AMER1: variants seen among roughly 807,000 people sequenced by gnomAD.
AMER1 encodes RP11-403E24.2.
In AMER1, 16 loss-of-function variants were observed where a neutral mutation model predicts 53.0. That is an observed-to-expected ratio of 0.30 (90% CI 0.20 to 0.46). The LOEUF (loss-of-function observed/expected upper bound fraction) is 0.46. Ranked by LOEUF, AMER1 falls within the 20% of genes least tolerant of loss-of-function variation. The pLI is 1.00. For synonymous variants in AMER1, 354 were observed against 331.9 expected, an observed-to-expected ratio of 1.07 and a Z score of -0.73; for missense variants, 947 against 884.9, an observed-to-expected ratio of 1.07 and a Z score of -0.89.
intron 1 of AMER1, among the ~76,000 whole-genome samples, chrX:64,203,278 G>A (rs777554537): frequency 1.8e-5 from 2 of 111,321 alleles, no homozygotes; most frequent in Non-Finnish European, 3.8e-5. Flanking sequence ...TCCTCATTAG[G>A]CACACTCAAT....
In AMER1 at chrX:64,191,362, T is replaced by A. The variant is rs2147087141; in HGVS notation, c.1925A>T (p.Glu642Val). ...EVRCRETQVR[E>V]TQARQEKPVL... ...GGGCTTCTCCTGCCGGGCCTGGGTC[T>A]CTCGGACTTGAGTCTCTCTACAACG... The change falls in exon 2 of 2, where the codon GAG becomes GTG. Residue 642 changes from glutamate (E) to valine (V), a missense_variant. Coordinates refer to ENST00000374869, the MANE Select transcript of AMER1 (RefSeq NM_152424.4). 8.3e-7 allele frequency: 1 copy of A among 1,211,835 alleles called. No homozygotes were observed. The highest frequency in any genetic ancestry group is 1.1e-6 in the Non-Finnish European group (1 of 895,524).
rs1249641553 is a variant in AMER1 at position 64,191,201 on chromosome X, T to A, written c.2086A>T (p.Arg696Trp). ...PTTASSEPDW[R>W]DFRPLEKRYE... Reference sequence around the variant, plus strand: ...CGCTTCTCCAGAGGACGGAAGTCCCTCCAGTCTGGCTCGCTGCTTGCAGTG... The same window carrying A: ...CGCTTCTCCAGAGGACGGAAGTCCCACCAGTCTGGCTCGCTGCTTGCAGTG... Residue 696 changes from arginine to tryptophan, a missense_variant, in exon 2 of 2, where the codon AGG (arginine) becomes TGG (tryptophan). Coordinates refer to ENST00000374869, the MANE Select transcript of AMER1 (RefSeq NM_152424.4). 8.3e-7 allele frequency: 1 copy of A among 1,212,075 alleles called. No individual in the cohort carries two copies. Among genetic ancestry groups the A allele is most frequent in the Non-Finnish European group, 1.1e-6 (1 of 895,585 alleles).
intron 1 of AMER1, among the ~76,000 whole-genome samples, chrX:64,204,878 C>A (rs992199155): frequency 8.8e-5 from 10 of 113,318 alleles, no homozygotes; most frequent in African/African-American, 3.2e-4. Context: ...GCGCCAGATG[C>A]GCCCGGAGGC....
At chrX:64,204,449 G>A (rs1368907767) in intron 1 of AMER1, among the ~76,000 whole-genome samples, 2 of 113,697 alleles carry the variant, frequency 1.8e-5, no homozygotes, top group African/African-American at 6.4e-5. Context: ...CACCACCGGG[G>A]GAGCCAAGCA....
chrX:64,191,076 A>T lies in AMER1; in HGVS notation c.2211T>A (p.Phe737Leu). ...GGTAGGCCCTCCTGGGAGATCCTCC[A>T]AAATTTGCTTCTTGCATGTCTGGCT... ...MFEPDMQEAN[F>L]GGSPRRAYPT... The change falls in exon 2 of 2, where the codon TTT becomes TTA. Residue 737 changes from phenylalanine (F) to leucine (L), a missense_variant. Transcript: ENST00000374869. 8.2e-7 allele frequency: 1 copy of T among 1,212,141 alleles called. No homozygotes were observed. Among genetic ancestry groups the T allele is most frequent in the Non-Finnish European group, 1.1e-6 (1 of 895,596 alleles).
At position 64,192,318 on chromosome X, in the gene AMER1, A is replaced by G. The variant is rs1353677522; in HGVS notation, c.969T>C (p.Asp323=). 2.5e-6 allele frequency: 3 copies of G among 1,210,708 alleles called. No homozygotes were observed. The highest frequency in any genetic ancestry group is 2.2e-6 in the Non-Finnish European group (2 of 895,411). ...FGDVTSLKSF[D]SLTGCGDIIA... ...TTATGTCACCACAACCTGTCAATGA[A>G]TCAAAGCTTTTCAGGGATGTCACAT... The change falls in exon 2 of 2, where the codon GAT becomes GAC. Residue 323 remains aspartate, a synonymous_variant. Coordinates refer to ENST00000374869, the MANE Select transcript of AMER1 (RefSeq NM_152424.4).
intron 1 of AMER1, among the ~76,000 whole-genome samples, chrX:64,200,420 G>A (rs1448951799): frequency 8.9e-6 from 1 of 112,404 alleles, no homozygotes; most frequent in Non-Finnish European, 1.9e-5. Context: ...ACCAAGTGAG[G>A]AAACTGAAGC....
rs764297331 is a variant in AMER1 at position 64,188,992 on chromosome X, G to A, written c.*887C>T. 10 of 804,874 alleles carry A rather than the reference G, an allele frequency of 1.2e-5. No homozygotes were observed. Among genetic ancestry groups the A allele is most frequent in the South Asian group, 6.6e-5 (1 of 15,065 alleles). The allele number at this position is 804,874 out of a possible 1,213,427, so 66.3% of individuals were successfully genotyped here. A position where few individuals can be genotyped will look rare whatever the true frequency, so the allele number is the denominator to read the frequency against. On this transcript the variant is annotated 3_prime_UTR_variant, in exon 2 of 2. Transcript: ENST00000374869. ...GAAGGAAAAAAAATCCTATCATTCC[G>A]GAGCTCAACACTCTATGGCAGTGTC...
intron 1 of AMER1, among the ~76,000 whole-genome samples, chrX:64,196,689 C>T (rs773692667): frequency 6.2e-5 from 7 of 112,096 alleles, no homozygotes; most frequent in Non-Finnish European, 1.1e-4. Context: ...AGATGAATTA[C>T]GCAGGGTGTC....
At chrX:64,205,131 G>T (rs1930570974) in intron 1 of AMER1, among the ~76,000 whole-genome samples, 1 of 113,911 alleles carries the variant, frequency 8.8e-6, no homozygotes, top group Admixed American at 9.1e-5. Context: ...CAGGCAGCCG[G>T]AGAGAGGGGT....
intron 1 of AMER1, among the ~76,000 whole-genome samples, chrX:64,201,448 AAC>A (rs532857666): frequency 0.13 from 10,319 of 82,484 alleles, 903 homozygotes; most frequent in African/African-American, 0.29. Flanking sequence ...TCCTTCCCCC[AAC>A]ACACACACAC....
rs2147083844 is a variant in AMER1, at chrX:64,189,905, C to T, written c.3382G>A (p.Ala1128Thr). 8.3e-7 allele frequency: 1 copy of T among 1,198,048 alleles called. No individual in the cohort carries two copies. Among genetic ancestry groups the T allele is most frequent in the South Asian group, 1.8e-5 (1 of 56,070 alleles). Reference sequence around the variant, plus strand: ...TACTTGGCTAGGTTTCCATTCATGGCAGTGGAGGAGTAGCTGGTGGCAAGA... The same window carrying T: ...TACTTGGCTAGGTTTCCATTCATGGTAGTGGAGGAGTAGCTGGTGGCAAGA... Reference protein sequence around the residue: ...ASLATSYSSTAMNGNLAK With the variant: ...ASLATSYSSTTMNGNLAK Residue 1128 changes from alanine to threonine, a missense_variant, in exon 2 of 2, where the codon GCC becomes ACC. Transcript: ENST00000374869.
chrX:64,189,813 C>T lies in AMER1; in HGVS notation c.*66G>A. ...CAACAACCCCCACCCCCCCACCCTT[C>T]TGCCCAACCCCTGATCCCCATTCAC... On this transcript the variant is annotated 3_prime_UTR_variant, in exon 2 of 2. Coordinates refer to ENST00000374869, the MANE Select transcript of AMER1 (RefSeq NM_152424.4). The T allele has an allele frequency of 1.0e-6, 1 of 955,342 alleles. No individual in the cohort carries two copies. The highest frequency in any genetic ancestry group is 4.1e-5 in the Admixed American group (1 of 24,154). 78.7% of individuals were successfully genotyped at this position (955,342 alleles called of 1,213,427 possible).
rs1468255983 is a variant in AMER1 at position 64,190,020 on chromosome X, C to A, written c.3267G>T (p.Arg1089Ser). The A allele has an allele frequency of 1.7e-6, 2 of 1,205,123 alleles. No homozygotes were observed. The highest frequency in any genetic ancestry group is 2.2e-6 in the Non-Finnish European group (2 of 892,681). The change falls in exon 2 of 2, where the codon AGG becomes AGT. Residue 1089 changes from arginine (R) to serine (S), a missense_variant. By Grantham distance (110) the Arg-to-Ser change is moderately radical. Coordinates refer to ENST00000374869, the MANE Select transcript of AMER1 (RefSeq NM_152424.4). ...GITHGIPQLP[R>S]VRPEHPQPQP... ...GAGGCTGGGGGTGCTCAGGCCGGACCCTGGGCAGCTGAGGAATGCCATGGG... is the reference window on the plus strand; with the variant it reads ...GAGGCTGGGGGTGCTCAGGCCGGACACTGGGCAGCTGAGGAATGCCATGGG...
Position 64,189,792 on chromosome X carries a change from A to AACCCCCCCCCCCCCCCCCCCC in AMER1, c.*86_*87insGGGGGGGGGGGGGGGGGGGGT. 1 of 746,979 alleles carries AACCCCCCCCCCCCCCCCCCCC rather than the reference A, an allele frequency of 1.3e-6. No individual in the cohort carries two copies. Among genetic ancestry groups the AACCCCCCCCCCCCCCCCCCCC allele is most frequent in the Non-Finnish European group, 1.7e-6 (1 of 590,434 alleles). 61.6% of individuals were successfully genotyped at this position (746,979 alleles called of 1,213,427 possible). The stretch of plus-strand genomic sequence containing the variant: ...CCAAAGGGTTTTCAAGTTAAACAAC[A>AACCCCCCCCCCCCCCCCCCCC]ACCCCCACCCCCCCACCCTTCTGCC... On this transcript the variant is annotated 3_prime_UTR_variant, in exon 2 of 2. Transcript: ENST00000374869.
At chrX:64,195,215 G>T (rs1209769447) in intron 1 of AMER1, among the ~76,000 whole-genome samples, 1 of 111,500 alleles carries the variant, frequency 9.0e-6, no homozygotes, top group African/African-American at 3.3e-5. Flanking sequence ...TCTGCCCCTG[G>T]GTCTGGTGGG....
chrX:64,186,701 C>G lies in AMER1; in HGVS notation c.*3178G>C. ...GTGTTTACTGAACCCATTATCCGGG[C>G]AGTCTTGTGGCCTGGTACCCAAGCT... On this transcript the variant is annotated 3_prime_UTR_variant, in exon 2 of 2. Coordinates refer to ENST00000374869, the MANE Select transcript of AMER1 (RefSeq NM_152424.4). 4 of 775,720 alleles carry G rather than the reference C, an allele frequency of 5.2e-6. No individual in the cohort carries two copies. Among genetic ancestry groups the G allele is most frequent in the Non-Finnish European group, 6.1e-6 (4 of 651,659 alleles). The allele number at this position is 775,720 out of a possible 1,213,427, so 63.9% of individuals were successfully genotyped here. A position where few individuals can be genotyped will look rare whatever the true frequency, so the allele number is the denominator to read the frequency against.
Position 64,189,792 on chromosome X carries a change from A to AGCGGGG in AMER1, c.*86_*87insCCCCGC. ...CCAAAGGGTTTTCAAGTTAAACAAC[A>AGCGGGG]ACCCCCACCCCCCCACCCTTCTGCC... On this transcript the variant is annotated 3_prime_UTR_variant, in exon 2 of 2. Transcript: ENST00000374869. The AGCGGGG allele has an allele frequency of 2.7e-6, 2 of 746,972 alleles. No individual in the cohort carries two copies. Among genetic ancestry groups the AGCGGGG allele is most frequent in the Non-Finnish European group, 3.4e-6 (2 of 590,427 alleles). The allele number at this position is 746,972 out of a possible 1,213,427, so 61.6% of individuals were successfully genotyped here.
rs772338892 is a variant in AMER1 at position 64,192,665 on chromosome X, C to T, written c.622G>A (p.Val208Met). 2.6e-5 allele frequency: 30 copies of T among 1,167,044 alleles called. No homozygotes were observed. The highest frequency in any genetic ancestry group is 2.4e-4 in the Middle Eastern group (1 of 4,105). The change falls in exon 2 of 2, where the codon GTG (valine) becomes ATG (methionine). Residue 208 changes from valine (V) to methionine (M), a missense_variant. Coordinates refer to ENST00000374869, the MANE Select transcript of AMER1 (RefSeq NM_152424.4). ...CAGGGCACCTGAGGGGCTGAGCTCA[C>T]GTGCTCATGAGGCCTGGCTCTGACC... is the stretch of plus-strand genomic sequence containing the variant. ...ERVRARPHEH[V>M]SSAPQVPCFE... is the part of the protein sequence containing the mutation.
Sources: allele counts gnomAD v4.1 joint callset (sites outside exome capture counted in the v4.1 genomes callset), GRCh38; gene constraint gnomAD v4.1.1; transcripts MANE v1.5; gene names NCBI Gene and HGNC (gene_info 2026-07-23, HGNC 2026-07-21).